EPG5: variants seen among roughly 807,000 people sequenced by gnomAD.
EPG5 encodes ectopic P-granules 5 autophagy tethering factor, also known as ectopic P granules protein 5 homolog.
Under a neutral mutation model 302.7 loss-of-function variants are expected in EPG5, and 159 were observed. The observed-to-expected ratio is 0.53, with a 90% CI of 0.46 to 0.60. EPG5 has a LOEUF of 0.60. EPG5 is among the 20% of genes least tolerant of loss of function. The pLI is 0.00. For synonymous variants in EPG5, 1,158 were observed against 1,136.8 expected, an observed-to-expected ratio of 1.02 and a Z score of -0.37; for missense variants, 2,896 against 3,092.4, an observed-to-expected ratio of 0.94 and a Z score of 1.51.
chr18:45,879,969 C>T (rs962758413), intron 32 of EPG5, 106 bp downstream of exon 32: 13 of 1,285,596 alleles, frequency 1.0e-5, no homozygotes, highest in South Asian at 1.6e-5. Context: ...AAGAAAAACA[C>T]ATGGCTCTTA....
chr18:45,917,483 G>C (rs2050059240), intron 17 of EPG5, among the ~76,000 whole-genome samples, 196 bp downstream of exon 17: 2 of 152,144 alleles, frequency 1.3e-5, no homozygotes, highest in South Asian at 4.2e-4. Context: ...ATCTTTCATG[G>C]TAATAAAACT....
chr18:45,916,416 T>C (rs377444519), intron 18 of EPG5, 22 bp downstream of exon 18: 1 of 1,603,218 alleles, frequency 6.2e-7, no homozygotes, highest in African/African-American at 1.3e-5. Context: ...GGAGTGTGCT[T>C]AGGGGCTTGC....
intron 6 of EPG5, 28 bp from the exon 7 acceptor site, chr18:45,946,796 C>A: frequency 6.3e-7 from 1 of 1,580,860 alleles, no homozygotes; most frequent in South Asian, 1.1e-5. Flanking sequence ...TCACTCCCAT[C>A]ACTTAGATGT....
intron 35 of EPG5, among the ~76,000 whole-genome samples, chr18:45,875,079 T>C (rs1045741958): frequency 6.6e-6 from 1 of 152,218 alleles, no homozygotes; most frequent in Non-Finnish European, 1.5e-5. Flanking sequence ...AGCCCGCAAG[T>C]GAGTTTGGGG....
At chr18:45,864,555 G>A (rs941983984) in intron 39 of EPG5, among the ~76,000 whole-genome samples, 19 of 152,022 alleles carry the variant, frequency 1.2e-4, no homozygotes, top group African/African-American at 7.2e-5. Context: ...TGACGCTGCT[G>A]TTGTTTTCTA....
rs753159339 is a variant in EPG5 at position 45,879,232 on chromosome 18, T to A, written c.5668-18A>T. On this transcript the variant is annotated intron_variant, in intron 32 of 43. Coordinates refer to ENST00000282041, the MANE Select transcript of EPG5 (RefSeq NM_020964.3). ...TCCATTACCTGGAAGAGACAACTAG[T>A]CAAAAAATGCTTACTAAATATGTAT... The A allele has an allele frequency of 1.3e-6, 2 of 1,564,960 alleles. No individual in the cohort carries two copies. The highest frequency in any genetic ancestry group is 1.8e-5 in the Admixed American group (1 of 54,614).
intron 11 of EPG5, 149 bp from the exon 12 acceptor site, chr18:45,930,979 A>G: frequency 1.4e-6 from 1 of 695,442 alleles, no homozygotes; most frequent in Non-Finnish European, 2.2e-6. Flanking sequence ...ATCAGGAATA[A>G]GGCTGGACCA....
chr18:45,819,286 T>C, the EPG5 span, among the ~76,000 whole-genome samples: 1 of 152,256 alleles, frequency 6.6e-6, no homozygotes, highest in African/African-American at 2.4e-5. Context: ...GTTTTCCCAG[T>C]ACCAATTATT....
chr18:45,905,073 G>A (rs1280167295), intron 24 of EPG5, among the ~76,000 whole-genome samples: 1 of 151,920 alleles, frequency 6.6e-6, no homozygotes, highest in Non-Finnish European at 1.5e-5. Context: ...TAAATAAAAT[G>A]AGAAAACAAT....
At chr18:45,864,423 A>T (rs1222565893) in intron 39 of EPG5, among the ~76,000 whole-genome samples, 1 of 152,180 alleles carries the variant, frequency 6.6e-6, no homozygotes, top group Non-Finnish European at 1.5e-5. Context: ...TCAAATCTGC[A>T]TATTTCTACA....
chr18:45,935,651 T>C (rs2050507049), intron 10 of EPG5, among the ~76,000 whole-genome samples: 1 of 152,106 alleles, frequency 6.6e-6, no homozygotes, highest in Non-Finnish European at 1.5e-5. Flanking sequence ...AGAGGCCAGC[T>C]GTGGATGTGT....
the EPG5 span, chr18:45,841,118 C>G: frequency 6.6e-6 from 1 of 152,306 alleles, no homozygotes; most frequent in Non-Finnish European, 1.5e-5. Flanking sequence ...AAAGTAAGAG[C>G]TGTGAAGGAA....
chr18:45,903,721 T>C (rs2049678958), intron 25 of EPG5, among the ~76,000 whole-genome samples: 1 of 152,176 alleles, frequency 6.6e-6, no homozygotes, highest in South Asian at 2.1e-4. Context: ...TTCATTTGTA[T>C]GGTAAGGGTT....
At chr18:45,941,171 A>G (rs1022540582) in intron 9 of EPG5, among the ~76,000 whole-genome samples, 5 of 152,230 alleles carry the variant, frequency 3.3e-5, no homozygotes, top group Non-Finnish European at 7.3e-5. Context: ...GAATGAAACA[A>G]CCAAGGAGGC....
chr18:45,805,561 TA>T, the EPG5 span, among the ~76,000 whole-genome samples: 6 of 150,080 alleles, frequency 4.0e-5, no homozygotes, highest in Admixed American at 1.3e-4. Context: ...TCCAATTAGC[TA>T]AAAAAAAAGA....
intron 43 of EPG5, among the ~76,000 whole-genome samples, chr18:45,853,389 T>C (rs2048453484): frequency 6.6e-6 from 1 of 152,222 alleles, no homozygotes; most frequent in Non-Finnish European, 1.5e-5. Flanking sequence ...TATTCCTTTC[T>C]TCATAGTAGG....
Position 45,866,971 on chromosome 18 carries a change from A to C in EPG5, c.6448T>G (p.Ser2150Ala). The change falls in exon 38 of 44, where the codon TCA becomes GCA. Residue 2150 changes from serine (S) to alanine (A), a missense_variant. Physicochemically the swap from Ser to Ala is moderately conservative, Grantham distance 99. Transcript: ENST00000282041. ...PLLSLLGQTS[S>A]LSWHLVDIVS... is the part of the protein sequence containing the mutation. The stretch of plus-strand genomic sequence containing the variant: ...ATATCCACAAGATGCCATGAAAGTG[A>C]GCTTGTCTGTCCAAGGAGACTAAGT... The C allele has an allele frequency of 6.2e-7, 1 of 1,614,174 alleles. No homozygotes were observed.
chr18:45,813,738 G>A, the EPG5 span, among the ~76,000 whole-genome samples: 2 of 150,868 alleles, frequency 1.3e-5, no homozygotes, highest in African/African-American at 2.4e-5. Flanking sequence ...ACACAGGAAG[G>A]GGAACATCAC....
At chr18:45,964,733 C>G (rs975441285) in intron 1 of EPG5, among the ~76,000 whole-genome samples, 2 of 151,998 alleles carry the variant, frequency 1.3e-5, no homozygotes, top group African/African-American at 4.8e-5. Context: ...TGTGGGAGGC[C>G]GAGGTGGGCA....
Sources: allele counts gnomAD v4.1 joint callset (sites outside exome capture counted in the v4.1 genomes callset), GRCh38; gene constraint gnomAD v4.1.1; transcripts MANE v1.5; gene names NCBI Gene and HGNC (gene_info 2026-07-23, HGNC 2026-07-21).